CDC42BPA: variants seen among roughly 807,000 people sequenced by gnomAD.
CDC42BPA encodes serine/threonine-protein kinase MRCK alpha.
A neutral mutation model predicts 223.5 loss-of-function variants in CDC42BPA; 80 were observed. That is an observed-to-expected ratio of 0.36 (90% CI 0.30 to 0.43). The LOEUF (loss-of-function observed/expected upper bound fraction) is 0.43. Among genes scored for constraint, CDC42BPA ranks in the 20% least tolerant of loss-of-function variants. The pLI, the probability that CDC42BPA is intolerant of heterozygous loss-of-function variation, is 1.00. For missense variants in CDC42BPA, 1,743 were observed against 2,099.9 expected (o/e 0.83, Z 3.32); for synonymous variants, 694 against 718.6 (o/e 0.97, Z 0.55).
Position 227,238,729 on chromosome 1 carries a change from C to T in CDC42BPA, c.270+15335G>A, listed in dbSNP as rs111688331. 7.2e-3 allele frequency among the ~76,000 whole-genome samples: 1,088 copies of T among 152,130 alleles called. 2 individuals carry two copies. The highest frequency in any genetic ancestry group is 0.014 in the Middle Eastern group (4 of 294). ...ACTGAGGCAAATCAGACTATGACAA[C>T]GAGTACTACCTTGAAGGGAAACATT... On this transcript the variant is annotated intron_variant, in intron 2 of 36. Coordinates refer to ENST00000366766, the MANE Select transcript of CDC42BPA (RefSeq NM_001394014.1).
intron 1 of CDC42BPA, among the ~76,000 whole-genome samples, chr1:227,268,536 T>C (rs1306553022): frequency 1.3e-5 from 2 of 151,030 alleles, no homozygotes; most frequent in Non-Finnish European, 2.9e-5. Context: ...ATTTTGTATG[T>C]GTATGTATAT....
At chr1:227,215,549 A>T (rs1259453896) in intron 2 of CDC42BPA, among the ~76,000 whole-genome samples, 1 of 152,148 alleles carries the variant, frequency 6.6e-6, no homozygotes. Flanking sequence ...CCCATTCTAC[A>T]CACCTGTGCA....
At chr1:227,257,052 T>C (rs182057205) in intron 1 of CDC42BPA, among the ~76,000 whole-genome samples, 4 of 151,770 alleles carry the variant, frequency 2.6e-5, no homozygotes, top group African/African-American at 9.7e-5. Context: ...TGTGGATAAA[T>C]CTTGAAAACA....
intron 35 of CDC42BPA, among the ~76,000 whole-genome samples, chr1:227,000,966 C>T (rs550245721): frequency 6.6e-6 from 1 of 152,240 alleles, no homozygotes; most frequent in South Asian, 2.1e-4. Context: ...CCCTAAATCT[C>T]TTGGGGATGA....
At position 226,994,304 on chromosome 1, in the gene CDC42BPA, G is replaced by C. The variant is rs1471721927; in HGVS notation, c.5229C>G (p.Ser1743=). ...AGCTCCCGCGGTCAGTGCTCTCCAG[G>C]GAGAGGCTCTTGGTTTTTCGGGGTG... is the stretch of plus-strand genomic sequence containing the variant. The part of the protein sequence containing the change: ...PASPRKTKSL[S]LESTDRGSWD... The change falls in exon 37 of 37, where the codon TCC becomes TCG. Residue 1743 remains serine, a synonymous_variant. Coordinates refer to ENST00000366766, the MANE Select transcript of CDC42BPA (RefSeq NM_001394014.1). The surrounding 1 kb of genome is among the most constrained non-coding windows in gnomAD (Gnocchi z 4.0). The C allele has an allele frequency of 1.3e-6, 2 of 1,595,960 alleles. No individual in the cohort carries two copies. Among genetic ancestry groups the C allele is most frequent in the Non-Finnish European group, 1.7e-6 (2 of 1,169,706 alleles).
Position 227,317,984 on chromosome 1 carries a change from G to A in CDC42BPA, c.-802C>T, listed in dbSNP as rs547177523. 330 of 392,666 alleles carry A rather than the reference G, an allele frequency of 8.4e-4. No individual in the cohort carries two copies. The highest frequency in any genetic ancestry group is 6.4e-3 in the African/African-American group (308 of 48,374). 24.3% of individuals were successfully genotyped at this position (392,666 alleles called of 1,614,324 possible). A position where few individuals can be genotyped will look rare whatever the true frequency, so the allele number is the denominator to read the frequency against. ...CGGCCGGGGGTGGAAGGCGGGCTGC[G>A]GGCGGCACTGGCACCGGGCTCCGGA... On this transcript the variant is annotated 5_prime_UTR_variant, in exon 1 of 37. Transcript: ENST00000366766.
intron 32 of CDC42BPA, among the ~76,000 whole-genome samples, chr1:227,020,992 G>A (rs907504130): frequency 1.3e-5 from 2 of 152,120 alleles, no homozygotes; most frequent in South Asian, 2.1e-4. Context: ...GAGGGAGGGA[G>A]ACCAGGGAAC....
chr1:227,088,010 A>G (rs1006878850), intron 16 of CDC42BPA, among the ~76,000 whole-genome samples: 1 of 152,222 alleles, frequency 6.6e-6, no homozygotes, highest in Non-Finnish European at 1.5e-5. Flanking sequence ...CTGCACTGTC[A>G]TATTACAACA....
intron 4 of CDC42BPA, among the ~76,000 whole-genome samples, chr1:227,196,718 A>G (rs75240666): frequency 1.3e-5 from 2 of 152,244 alleles, no homozygotes; most frequent in East Asian, 3.8e-4. Context: ...AAGAATTTAG[A>G]GTTCATATGA....
At chr1:227,311,494 T>C (rs1269683350) in intron 1 of CDC42BPA, among the ~76,000 whole-genome samples, 2 of 152,226 alleles carry the variant, frequency 1.3e-5, no homozygotes, top group African/African-American at 2.4e-5. Flanking sequence ...TCAGCTGAAG[T>C]GATGAGAAGC....
chr1:227,108,696 A>G (rs1171960584), intron 14 of CDC42BPA, among the ~76,000 whole-genome samples: 2 of 152,196 alleles, frequency 1.3e-5, no homozygotes, highest in Admixed American at 1.3e-4. Context: ...ACAATGGTAC[A>G]GTGTTTGCAT....
chr1:227,029,764 G>A (rs1668913338), intron 29 of CDC42BPA, among the ~76,000 whole-genome samples: 1 of 152,060 alleles, frequency 6.6e-6, no homozygotes, highest in Non-Finnish European at 1.5e-5. Flanking sequence ...CATTTTAATA[G>A]CTGTTGCCTC....
intron 5 of CDC42BPA, among the ~76,000 whole-genome samples, chr1:227,175,920 CTAGTT>C (rs1264056687): frequency 6.6e-6 from 1 of 152,166 alleles, no homozygotes; most frequent in African/African-American, 2.4e-5. Flanking sequence ...GTCACTGTTT[CTAGTT>C]ATTTTCACCA....
intron 20 of CDC42BPA, 133 bp from the exon 21 acceptor site, chr1:227,069,986 T>G: frequency 3.8e-6 from 2 of 524,090 alleles, no homozygotes; most frequent in Non-Finnish European, 6.9e-6. Context: ...TATAATTAAC[T>G]CTACATTTAA....
chr1:227,122,494 T>C (rs2149458362), intron 11 of CDC42BPA, among the ~76,000 whole-genome samples: 1 of 152,278 alleles, frequency 6.6e-6, no homozygotes, highest in East Asian at 1.9e-4. Context: ...TGTTTCAATA[T>C]AGTGTTAATT....
intron 14 of CDC42BPA, among the ~76,000 whole-genome samples, chr1:227,107,147 T>C (rs1328656350): frequency 6.6e-6 from 1 of 152,248 alleles, no homozygotes; most frequent in Non-Finnish European, 1.5e-5. Context: ...GTAGTAGTAC[T>C]GCATCTTAAC....
Position 227,193,767 on chromosome 1 carries a change from C to T in CDC42BPA, c.599+19G>A, listed in dbSNP as rs768804360. ...TTACATGGTAACTCACAGCCAGGTACAATGAAGGACTGTTTTACCTGTGTA... is the reference window on the plus strand; with the variant it reads ...TTACATGGTAACTCACAGCCAGGTATAATGAAGGACTGTTTTACCTGTGTA... On this transcript the variant is annotated intron_variant, in intron 5 of 36. Coordinates refer to ENST00000366766, the MANE Select transcript of CDC42BPA (RefSeq NM_001394014.1). 1.3e-6 allele frequency: 2 copies of T among 1,567,460 alleles called. No homozygotes were observed. The highest frequency in any genetic ancestry group is 1.7e-6 in the Non-Finnish European group (2 of 1,157,144).
At chr1:226,997,849 A>G (rs1285891481) in intron 35 of CDC42BPA, among the ~76,000 whole-genome samples, 1 of 152,110 alleles carries the variant, frequency 6.6e-6, no homozygotes, top group East Asian at 1.9e-4. Flanking sequence ...TTTGGTGAGG[A>G]GTGTTTTACT....
intron 2 of CDC42BPA, among the ~76,000 whole-genome samples, chr1:227,227,797 G>C (rs1397585650): frequency 4.0e-5 from 6 of 151,536 alleles, no homozygotes; most frequent in African/African-American, 2.4e-5. Flanking sequence ...CTAAAACTAA[G>C]TGGATTTACA....
Sources: gnomAD v4.1 joint callset for allele counts (sites outside exome capture counted in the v4.1 genomes callset) on GRCh38, gnomAD v4.1.1 for gene constraint, Gnocchi (gnomAD v3.1) non-coding constraint, MANE v1.5 for transcripts, NCBI Gene and HGNC (gene_info 2026-07-23, HGNC 2026-07-21) for gene names.